ZNHIT6: variants seen among roughly 807,000 people sequenced by gnomAD.
ZNHIT6 encodes zinc finger HIT-type containing 6.
In ZNHIT6, 45 loss-of-function variants were observed where a neutral mutation model predicts 57.2. The observed-to-expected ratio is 0.79, with a 90% CI of 0.62 to 1.01. The LOEUF (loss-of-function observed/expected upper bound fraction) is 1.01. ZNHIT6 is among the 50% of genes least tolerant of loss of function. The probability of loss-of-function intolerance (pLI) is 0.00; values close to 1 mark genes in which losing one functional copy is unlikely to be tolerated. For missense variants in ZNHIT6, 528 were observed against 567.3 expected, an observed-to-expected ratio of 0.93 and a Z score of 0.70; for synonymous variants, 188 against 190.0, an observed-to-expected ratio of 0.99 and a Z score of 0.09.
intron 4 of ZNHIT6, among the ~76,000 whole-genome samples, chr1:85,705,187 A>G (rs1375557040): frequency 6.6e-6 from 1 of 152,136 alleles, no homozygotes; most frequent in Non-Finnish European, 1.5e-5. Context: ...TTCCATTTGC[A>G]CTTAGAATTA....
At chr1:85,684,895 CAA>C (rs1347391594) in intron 5 of ZNHIT6, among the ~76,000 whole-genome samples, 3 of 152,076 alleles carry the variant, frequency 2.0e-5, no homozygotes, top group Non-Finnish European at 4.4e-5. Flanking sequence ...AGATGCAAAT[CAA>C]AAGTCATTAG....
intron 8 of ZNHIT6, among the ~76,000 whole-genome samples, chr1:85,667,961 A>AAAAAAAAAAAATGTATATATAT: frequency 1.1e-4 from 2 of 18,202 alleles, no homozygotes; most frequent in African/African-American, 2.1e-4. Context: ...AAAAAAAAAA[A>AAAAAAAAAAAATGTATATATAT]ATATATATAT....
chr1:85,657,491 T>C lies in ZNHIT6; in HGVS notation c.1372+356A>G, dbSNP rs146224763. On this transcript the variant is annotated intron_variant, in intron 9 of 9. Transcript: ENST00000370574. ...GTTTTGTAATCCCTCATTTTAGAAA[T>C]GTCTAAAGTCTTAACTATGGAGTAA... is the stretch of plus-strand genomic sequence containing the variant. Among the ~76,000 whole-genome samples the C allele has an allele frequency of 2.6e-3, 396 of 150,676 alleles. 3 individuals are homozygous for C. Among genetic ancestry groups the C allele is most frequent in the South Asian group, 7.3e-3 (35 of 4,778 alleles).
chr1:85,686,019 T>C (rs1662024024), intron 5 of ZNHIT6, among the ~76,000 whole-genome samples: 1 of 151,774 alleles, frequency 6.6e-6, no homozygotes, highest in South Asian at 2.1e-4. Flanking sequence ...TGGAGTGCAG[T>C]GGTGCGATCT....
intron 9 of ZNHIT6, among the ~76,000 whole-genome samples, chr1:85,657,042 T>G (rs1661079357): frequency 6.6e-6 from 1 of 152,164 alleles, no homozygotes; most frequent in African/African-American, 2.4e-5. Context: ...TCTGTAATTC[T>G]TTTCGTTGAA....
At position 85,653,603 on chromosome 1, in the gene ZNHIT6, CA is replaced by C. The variant is rs202176095; in HGVS notation, c.*454del. On this transcript the variant is annotated 3_prime_UTR_variant, in exon 10 of 10. Coordinates refer to ENST00000370574, the MANE Select transcript of ZNHIT6 (RefSeq NM_017953.4). ...CGAAAGAGCGCAACCCTGTCTCTACCAAAAAAAAACAACAACAAAAAACTTA... is the reference window on the plus strand; with the variant it reads ...CGAAAGAGCGCAACCCTGTCTCTACCAAAAAAAACAACAACAAAAAACTTA... 1.3e-5 allele frequency: 2 copies of C among 149,302 alleles called. No individual in the cohort carries two copies. The highest frequency in any genetic ancestry group is 2.1e-4 in the South Asian group (1 of 4,728). 9.2% of individuals were successfully genotyped at this position (149,302 alleles called of 1,614,324 possible).
At chr1:85,678,834 T>C in intron 6 of ZNHIT6, 53 bp from the exon 7 acceptor site, 1 of 1,004,224 alleles carries the variant, frequency 1.0e-6, no homozygotes, top group Non-Finnish European at 1.4e-6. Context: ...AATTTTCTAC[T>C]AAAGGTGTTA....
intron 5 of ZNHIT6, among the ~76,000 whole-genome samples, chr1:85,697,533 AC>A (rs1174206281): frequency 6.6e-6 from 1 of 152,192 alleles, no homozygotes; most frequent in East Asian, 1.9e-4. Context: ...TTGATCATAT[AC>A]CAGCAAACCA....
At chr1:85,667,961 A>AAAAAAAAAAAAAAAAAAAAAATATATAT in intron 8 of ZNHIT6, among the ~76,000 whole-genome samples, 2 of 18,200 alleles carry the variant, frequency 1.1e-4, no homozygotes, top group Admixed American at 1.4e-3. Context: ...AAAAAAAAAA[A>AAAAAAAAAAAAAAAAAAAAAATATATAT]ATATATATAT....
chr1:85,664,524 C>G (rs1204017469), intron 8 of ZNHIT6, among the ~76,000 whole-genome samples: 1 of 152,074 alleles, frequency 6.6e-6, no homozygotes, highest in Non-Finnish European at 1.5e-5. Flanking sequence ...CCTTAGCAAA[C>G]TAATGCAGGA....
intron 5 of ZNHIT6, among the ~76,000 whole-genome samples, chr1:85,700,820 T>A (rs1662510500): frequency 6.6e-6 from 1 of 152,218 alleles, no homozygotes; most frequent in Non-Finnish European, 1.5e-5. Context: ...CTTTACTTTT[T>A]TTTTGAGACA....
chr1:85,686,739 T>C (rs1306097900), intron 5 of ZNHIT6, among the ~76,000 whole-genome samples: 1 of 152,174 alleles, frequency 6.6e-6, no homozygotes, highest in East Asian at 1.9e-4. Context: ...AATTTTCATA[T>C]GAAAGCTTCC....
intron 4 of ZNHIT6, 64 bp downstream of exon 4, chr1:85,706,009 TAAAAA>T: frequency 9.0e-7 from 1 of 1,111,326 alleles, no homozygotes; most frequent in Non-Finnish European, 1.3e-6. Context: ...TTTGGTAAGT[TAAAAA>T]AAAAAAAAGA....
chr1:85,696,146 A>T (rs1014749278), intron 5 of ZNHIT6, among the ~76,000 whole-genome samples: 4 of 151,662 alleles, frequency 2.6e-5, no homozygotes, highest in African/African-American at 9.7e-5. Flanking sequence ...AGGGATTCAG[A>T]TCCAAATAAT....
intron 9 of ZNHIT6, among the ~76,000 whole-genome samples, chr1:85,657,357 A>C (rs1661087765): frequency 6.6e-6 from 1 of 151,740 alleles, no homozygotes; most frequent in African/African-American, 2.4e-5. Flanking sequence ...ATGCTGCCAA[A>C]TTTTTAAATA....
intron 7 of ZNHIT6, among the ~76,000 whole-genome samples, chr1:85,678,223 A>G (rs552059622): frequency 1.3e-5 from 2 of 152,276 alleles, no homozygotes; most frequent in East Asian, 3.9e-4. Context: ...AGTTCTAAGA[A>G]GACTTGGCTG....
intron 5 of ZNHIT6, among the ~76,000 whole-genome samples, chr1:85,696,271 T>C (rs1270043911): frequency 6.6e-6 from 1 of 152,112 alleles, no homozygotes; most frequent in African/African-American, 2.4e-5. Flanking sequence ...CTAGCTAATT[T>C]TTAAATTTTC....
Position 85,668,529 on chromosome 1 carries a change from A to G in ZNHIT6, c.1247+8707T>C, listed in dbSNP as rs149258141. ...AAGAAAAGACATCTGAAAATAGTTA[A>G]TACTGTTCTTAGAAATTCTGGAATT... On this transcript the variant is annotated intron_variant, in intron 8 of 9. Coordinates refer to ENST00000370574, the MANE Select transcript of ZNHIT6 (RefSeq NM_017953.4). 6.4e-4 allele frequency among the ~76,000 whole-genome samples: 97 copies of G among 152,334 alleles called. 2 individuals are homozygous for G. In the East Asian group the frequency reaches 0.017, roughly 26 times the overall value.
intron 5 of ZNHIT6, among the ~76,000 whole-genome samples, chr1:85,682,949 T>TA (rs1272135981): frequency 6.6e-6 from 1 of 152,156 alleles, no homozygotes; most frequent in Non-Finnish European, 1.5e-5. Flanking sequence ...GCGCAGTGGC[T>TA]AAAGCCTGTA....
Sources: gnomAD v4.1 joint callset for allele counts (sites outside exome capture counted in the v4.1 genomes callset) on GRCh38, gnomAD v4.1.1 for gene constraint, MANE v1.5 for transcripts, NCBI Gene and HGNC (gene_info 2026-07-23, HGNC 2026-07-21) for gene names.